L3MBTL3: variants seen among roughly 807,000 people sequenced by gnomAD.
The protein encoded by L3MBTL3 is L3MBTL histone methyl-lysine binding protein 3.
In L3MBTL3, 27 loss-of-function variants were observed where a neutral mutation model predicts 102.3. The observed-to-expected ratio is 0.26, with a 90% CI of 0.19 to 0.36. The LOEUF (loss-of-function observed/expected upper bound fraction) is 0.36. Ranked by LOEUF, L3MBTL3 falls within the 10% of genes least tolerant of loss-of-function variation. The probability of loss-of-function intolerance (pLI) is 1.00; values close to 1 mark genes in which losing one functional copy is unlikely to be tolerated. For missense variants in L3MBTL3, 798 were observed against 955.3 expected (o/e 0.84, Z 2.17); for synonymous variants, 340 against 320.9 (o/e 1.06, Z -0.64).
chr6:130,049,726 T>C (rs766512777), intron 4 of L3MBTL3, 30 bp from the exon 5 acceptor site: 2 of 1,613,748 alleles, frequency 1.2e-6, no homozygotes, highest in Admixed American at 1.7e-5. Flanking sequence ...AACACCTATA[T>C]GCTGATGACT....
intron 19 of L3MBTL3, among the ~76,000 whole-genome samples, chr6:130,110,012 G>A (rs1341005872): frequency 6.6e-6 from 1 of 152,128 alleles, no homozygotes; most frequent in Non-Finnish European, 1.5e-5. Flanking sequence ...AGTTGTACAT[G>A]TGTGGTGTTA....
At chr6:130,024,180 A>G (rs1200421627) in intron 2 of L3MBTL3, among the ~76,000 whole-genome samples, 2 of 152,138 alleles carry the variant, frequency 1.3e-5, no homozygotes, top group Non-Finnish European at 2.9e-5. Context: ...GATTTAAACT[A>G]ACTATAGGGG....
At chr6:130,068,289 T>C in intron 11 of L3MBTL3, 41 bp from the exon 12 acceptor site, 1 of 1,051,548 alleles carries the variant, frequency 9.5e-7, no homozygotes, top group Non-Finnish European at 1.5e-6. Context: ...TGTAAAATAT[T>C]GTGGTATTTG....
At chr6:130,084,960 G>A (rs994849281) in intron 15 of L3MBTL3, among the ~76,000 whole-genome samples, 10 of 152,122 alleles carry the variant, frequency 6.6e-5, no homozygotes, top group Admixed American at 6.5e-4. Context: ...TTCCTGAGTA[G>A]TTGGGACTAT....
intron 2 of L3MBTL3, among the ~76,000 whole-genome samples, chr6:130,035,399 A>G (rs775272330): frequency 3.9e-5 from 6 of 152,208 alleles, no homozygotes; most frequent in Non-Finnish European, 8.8e-5. Context: ...AGGTTTCACA[A>G]CTTTGGTTTG....
intron 2 of L3MBTL3, among the ~76,000 whole-genome samples, chr6:130,029,449 A>C (rs73614213): frequency 0.036 from 5,438 of 152,276 alleles, 312 homozygotes; most frequent in African/African-American, 0.12. Flanking sequence ...ACGTCACAGT[A>C]AGGTTGCGAA....
chr6:130,104,598 C>A, intron 19 of L3MBTL3, 23 bp downstream of exon 19: 1 of 1,523,146 alleles, frequency 6.6e-7, no homozygotes, highest in Non-Finnish European at 8.8e-7. Flanking sequence ...CTAATATTAG[C>A]ATTGTTTAGA....
At chr6:130,114,930 C>T (rs1180296316) in intron 19 of L3MBTL3, among the ~76,000 whole-genome samples, 2 of 151,868 alleles carry the variant, frequency 1.3e-5, no homozygotes, top group African/African-American at 2.4e-5. Context: ...TTCATTTGTA[C>T]GAGGCATTTT....
chr6:130,052,138 G>A (rs1434023817), intron 6 of L3MBTL3, among the ~76,000 whole-genome samples: 1 of 149,106 alleles, frequency 6.7e-6, no homozygotes, highest in East Asian at 1.9e-4. Context: ...ATGAAGTCTT[G>A]TTCTGTCGCC....
Position 130,052,883 on chromosome 6 carries a change from A to G in L3MBTL3, c.474A>G (p.Val158=). Residue 158 remains valine (V), a synonymous_variant, in exon 7 of 23, where the codon GTA becomes GTG. Coordinates refer to ENST00000361794, the MANE Select transcript of L3MBTL3 (RefSeq NM_032438.4). ...KDKDQKEERD[V]EEDNEEEDPK... is the part of the protein sequence containing the mutation. The stretch of plus-strand genomic sequence containing the variant: ...GAGATCAGAAGGAAGAAAGGGACGT[A>G]GAAGAAGACAATGAGGAAGAAGATC... The G allele has an allele frequency of 6.2e-7, 1 of 1,613,892 alleles. No homozygotes were observed.
chr6:130,049,311 A>C lies in L3MBTL3; in HGVS notation c.132A>C (p.Glu44Asp). 1.2e-6 allele frequency: 2 copies of C among 1,613,678 alleles called. No homozygotes were observed. Among genetic ancestry groups the C allele is most frequent in the Non-Finnish European group, 1.7e-6 (2 of 1,179,642 alleles). Residue 44 changes from glutamate (E) to aspartate (D), a missense_variant, in exon 4 of 23, where the codon GAA (glutamate) becomes GAC (aspartate). Transcript: ENST00000361794. Reference protein sequence around the residue: ...KFRVNEFGALEVITDENEMEN... With the variant: ...KFRVNEFGALDVITDENEMEN... ...GGGTAAATGAGTTTGGAGCCCTGGA[A>C]GTTATTACAGATGAGAATGAGATGG...
chr6:130,120,757 T>G, intron 19 of L3MBTL3, 122 bp from the exon 20 acceptor site: 1 of 737,092 alleles, frequency 1.4e-6, no homozygotes. Flanking sequence ...TATATATCCT[T>G]TCTAACACTT....
intron 10 of L3MBTL3, among the ~76,000 whole-genome samples, chr6:130,060,351 A>C (rs1265816078): frequency 6.6e-6 from 1 of 152,194 alleles, no homozygotes; most frequent in Non-Finnish European, 1.5e-5. Flanking sequence ...GCTCAGAGTG[A>C]TGAAGTGATG....
chr6:130,032,588 C>G lies in L3MBTL3; in HGVS notation c.-15-10097C>G, dbSNP rs533745266. On this transcript the variant is annotated intron_variant, in intron 2 of 22. Transcript: ENST00000361794. ...TGACTGGTTTACTATCTGGTAAGTA[C>G]TATGCTGTGGTATTATCTGGCCTAT... Among the ~76,000 whole-genome samples, 67 of 152,274 alleles carry G rather than the reference C, an allele frequency of 4.4e-4. 2 individuals carry two copies. In the South Asian group the frequency reaches 0.013, roughly 29 times the overall value.
chr6:130,036,181 A>C (rs1035514863), intron 2 of L3MBTL3, among the ~76,000 whole-genome samples: 17 of 152,206 alleles, frequency 1.1e-4, no homozygotes, highest in African/African-American at 4.1e-4. Context: ...ACATTTACAG[A>C]GGGTGACAAC....
chr6:130,103,546 A>G (rs1281497677), intron 18 of L3MBTL3, among the ~76,000 whole-genome samples: 1 of 152,188 alleles, frequency 6.6e-6, no homozygotes, highest in Non-Finnish European at 1.5e-5. Flanking sequence ...TTCTGATGTA[A>G]TTTACCTAAG....
At chr6:130,128,390 A>G (rs992031188) in intron 20 of L3MBTL3, among the ~76,000 whole-genome samples, 2 of 152,112 alleles carry the variant, frequency 1.3e-5, no homozygotes, top group African/African-American at 4.8e-5. Context: ...ACACCATATC[A>G]TGGTTAGAGG....
chr6:130,052,206 A>G (rs1781144932), intron 6 of L3MBTL3, among the ~76,000 whole-genome samples: 1 of 151,842 alleles, frequency 6.6e-6, no homozygotes, highest in African/African-American at 2.4e-5. Context: ...TCCCAGGTTC[A>G]AGCAATTCAC....
intron 1 of L3MBTL3, among the ~76,000 whole-genome samples, chr6:130,019,728 C>T (rs1014908046): frequency 4.0e-5 from 6 of 151,472 alleles, no homozygotes; most frequent in African/African-American, 1.5e-4. Context: ...GTGAGAATTT[C>T]ATATAGATCA....
Sources: allele counts gnomAD v4.1 joint callset (sites outside exome capture counted in the v4.1 genomes callset), GRCh38; gene constraint gnomAD v4.1.1; transcripts MANE v1.5; gene names NCBI Gene and HGNC (gene_info 2026-07-23, HGNC 2026-07-21).